Variants in TMEM178B observed in about 807,000 individuals in gnomAD.
TMEM178B encodes the protein transmembrane protein 178B.
TMEM178B carries 5 observed loss-of-function variants against 31.0 expected under a neutral mutation model. The ratio of observed to expected loss-of-function variants is 0.16; its 90% CI spans 0.08 to 0.34. TMEM178B has a LOEUF of 0.34. Among genes scored for constraint, TMEM178B ranks in the 10% least tolerant of loss-of-function variants. The probability of loss-of-function intolerance (pLI) is 1.00; values close to 1 mark genes in which losing one functional copy is unlikely to be tolerated. For synonymous variants in TMEM178B, 164 were observed against 164.0 expected (o/e 1.00, Z 0.00); for missense variants, 275 against 400.3 (o/e 0.69, Z 2.67).
chr7:141,133,551 A>G (rs1474573017), intron 1 of TMEM178B, among the ~76,000 whole-genome samples: 1 of 152,168 alleles, frequency 6.6e-6, no homozygotes, highest in Non-Finnish European at 1.5e-5. Context: ...TTAAAAAATA[A>G]AAATAAAAAA....
chr7:141,125,734 C>T (rs941256207), intron 1 of TMEM178B, among the ~76,000 whole-genome samples: 2 of 150,792 alleles, frequency 1.3e-5, no homozygotes, highest in Non-Finnish European at 3.0e-5. Flanking sequence ...TCCAGTGCCA[C>T]AAGCCATTTG....
intron 1 of TMEM178B, among the ~76,000 whole-genome samples, chr7:141,146,286 T>C (rs1165635664): frequency 6.6e-6 from 1 of 152,204 alleles, no homozygotes; most frequent in Non-Finnish European, 1.5e-5. Context: ...GGCCTGTTAC[T>C]TCCTTCTATT....
intron 1 of TMEM178B, among the ~76,000 whole-genome samples, chr7:141,170,070 C>A (rs1003594937): frequency 6.6e-6 from 1 of 152,180 alleles, no homozygotes; most frequent in Non-Finnish European, 1.5e-5. Context: ...TAGATTTCTA[C>A]ATTTTTGCCA....
At chr7:141,144,736 C>T (rs1257376196) in intron 1 of TMEM178B, among the ~76,000 whole-genome samples, 1 of 151,904 alleles carries the variant, frequency 6.6e-6, no homozygotes, top group Non-Finnish European at 1.5e-5. Flanking sequence ...GAGATTTGGG[C>T]ACAAAGGAGG....
intron 2 of TMEM178B, among the ~76,000 whole-genome samples, chr7:141,237,743 G>A (rs781720304): frequency 2.0e-5 from 3 of 152,112 alleles, no homozygotes; most frequent in African/African-American, 7.2e-5. Flanking sequence ...TAAGGACAGG[G>A]CTGGGCGTGG....
chr7:141,259,671 G>C (rs2116357424), intron 2 of TMEM178B, among the ~76,000 whole-genome samples: 1 of 152,220 alleles, frequency 6.6e-6, no homozygotes, highest in East Asian at 1.9e-4. Flanking sequence ...TAATGTTTCT[G>C]CTTAATTCTT....
intron 1 of TMEM178B, among the ~76,000 whole-genome samples, chr7:141,086,528 G>A (rs1794791100): frequency 1.3e-5 from 2 of 151,976 alleles, no homozygotes; most frequent in South Asian, 4.2e-4. Context: ...TCAAAAACAG[G>A]TAAAACAATA....
intron 1 of TMEM178B, among the ~76,000 whole-genome samples, chr7:141,126,921 T>C (rs927537128): frequency 6.6e-6 from 1 of 151,904 alleles, no homozygotes; most frequent in African/African-American, 2.4e-5. Flanking sequence ...GCAGCTGATA[T>C]TTATGGTGAC....
chr7:141,492,506 T>G, the TMEM178B span, among the ~76,000 whole-genome samples: 8 of 152,206 alleles, frequency 5.3e-5, no homozygotes. Flanking sequence ...GCCTGGCACA[T>G]ACTGGCCTGC....
chr7:141,357,722 G>A (rs1406619019), intron 2 of TMEM178B, among the ~76,000 whole-genome samples: 1 of 152,196 alleles, frequency 6.6e-6, no homozygotes, highest in African/African-American at 2.4e-5. Flanking sequence ...ATCAGCCCTT[G>A]TTACTTACAG....
At chr7:141,389,363 T>C (rs10249769) in intron 2 of TMEM178B, among the ~76,000 whole-genome samples, 40,889 of 152,168 alleles carry the variant, frequency 0.27, 5,873 homozygotes, top group African/African-American at 0.34. Context: ...CCTTCTGGAC[T>C]CTGGAGTGGT....
intron 1 of TMEM178B, among the ~76,000 whole-genome samples, chr7:141,148,150 C>G (rs1795885619): frequency 6.6e-6 from 1 of 152,158 alleles, no homozygotes; most frequent in Admixed American, 6.5e-5. Flanking sequence ...TGCCCACATT[C>G]CTTGGCTCAT....
At chr7:141,456,327 GA>G (rs911431057) in intron 3 of TMEM178B, among the ~76,000 whole-genome samples, 1 of 152,174 alleles carries the variant, frequency 6.6e-6, no homozygotes, top group African/African-American at 2.4e-5. Context: ...ATGATCCAGA[GA>G]GATGAAGTGA....
At chr7:141,229,427 C>A (rs190779072) in intron 2 of TMEM178B, among the ~76,000 whole-genome samples, 3 of 152,062 alleles carry the variant, frequency 2.0e-5, no homozygotes, top group African/African-American at 7.2e-5. Flanking sequence ...CTACCCCATC[C>A]CCAGTTCCAT....
intron 3 of TMEM178B, among the ~76,000 whole-genome samples, chr7:141,450,803 A>G (rs540934772): frequency 1.2e-3 from 186 of 152,294 alleles, no homozygotes; most frequent in Non-Finnish European, 2.2e-3. Flanking sequence ...TAAGGTCAGC[A>G]TTACCACCCT....
intron 2 of TMEM178B, among the ~76,000 whole-genome samples, chr7:141,263,145 G>T (rs114267424): frequency 0.025 from 3,769 of 152,250 alleles, 137 homozygotes; most frequent in African/African-American, 0.086. Context: ...AAGCGGAGGG[G>T]CCCAGCAAGT....
chr7:141,434,718 A>G (rs900222437), intron 2 of TMEM178B, among the ~76,000 whole-genome samples: 3 of 152,178 alleles, frequency 2.0e-5, no homozygotes, highest in African/African-American at 7.2e-5. Context: ...CAAACATTAG[A>G]ACTTATTTCT....
intron 2 of TMEM178B, among the ~76,000 whole-genome samples, chr7:141,399,477 A>G (rs555930058): frequency 6.6e-6 from 1 of 152,228 alleles, no homozygotes; most frequent in Non-Finnish European, 1.5e-5. Context: ...TGCTTTTTTC[A>G]TAACATTCCA....
rs148138989 is a variant in TMEM178B at position 141,111,821 on chromosome 7, C to T, written c.382+37129C>T. Among the ~76,000 whole-genome samples the T allele has an allele frequency of 7.0e-4, 106 of 152,228 alleles. 1 individual carries two copies. The East Asian group carries it at 0.015, about 22-fold the overall frequency. On this transcript the variant is annotated intron_variant, in intron 1 of 3. Transcript: ENST00000565468. ...GAAAAGGAGTAAGACAAATTAATGC[C>T]GTTGTGAATTGTGTTTATATTTACT...
Sources: gnomAD v4.1 joint callset for allele counts (sites outside exome capture counted in the v4.1 genomes callset) on GRCh38, gnomAD v4.1.1 for gene constraint, MANE v1.5 for transcripts, NCBI Gene and HGNC (gene_info 2026-07-23, HGNC 2026-07-21) for gene names.